Variants in HECW1 observed in about 807,000 individuals in gnomAD.
HECW1 encodes HECT, C2 and WW domain containing E3 ubiquitin protein ligase 1, also known as E3 ubiquitin-protein ligase HECW1.
HECW1 carries 61 observed loss-of-function variants against 182.3 expected under a neutral mutation model. The ratio of observed to expected loss-of-function variants is 0.33; its 90% CI spans 0.27 to 0.41. HECW1 has a LOEUF of 0.41. HECW1 is among the 10% of genes least tolerant of loss of function. The probability of loss-of-function intolerance (pLI) is 1.00; values close to 1 mark genes in which losing one functional copy is unlikely to be tolerated. For missense variants in HECW1, 1,739 were observed against 2,108.9 expected (o/e 0.82, Z 3.44); for synonymous variants, 859 against 832.6 (o/e 1.03, Z -0.55).
chr7:43,472,315 G>A (rs1030875179), intron 16 of HECW1, among the ~76,000 whole-genome samples: 1 of 152,162 alleles, frequency 6.6e-6, no homozygotes, highest in Admixed American at 6.5e-5. Context: ...TTAATACCAC[G>A]ACCTTCCCTG....
chr7:43,422,714 A>G (rs1335450810), intron 8 of HECW1, among the ~76,000 whole-genome samples: 1 of 152,112 alleles, frequency 6.6e-6, no homozygotes, highest in Non-Finnish European at 1.5e-5. Context: ...AGAATTATAT[A>G]TACTGGTAGA....
At chr7:43,417,335 C>T (rs979725256) in intron 8 of HECW1, among the ~76,000 whole-genome samples, 1 of 152,196 alleles carries the variant, frequency 6.6e-6, no homozygotes, top group African/African-American at 2.4e-5. Context: ...CAGGCATGAG[C>T]CACCACACCT....
chr7:43,459,543 GTT>G (rs565413703), intron 13 of HECW1, among the ~76,000 whole-genome samples: 1 of 146,180 alleles, frequency 6.8e-6, no homozygotes. Context: ...GGATGATTTA[GTT>G]TTTTTTTTTT....
At chr7:43,273,687 G>A (rs1802708332) in intron 3 of HECW1, among the ~76,000 whole-genome samples, 1 of 151,930 alleles carries the variant, frequency 6.6e-6, no homozygotes, top group African/African-American at 2.4e-5. Context: ...TGATAACAAT[G>A]GAAAAGAAAT....
At chr7:43,309,922 A>G (rs1808284903) in intron 3 of HECW1, among the ~76,000 whole-genome samples, 1 of 152,190 alleles carries the variant, frequency 6.6e-6, no homozygotes, top group African/African-American at 2.4e-5. Context: ...TTTATTGAGC[A>G]GGTACTGTAC....
chr7:43,263,957 A>G (rs1472163931), intron 3 of HECW1, among the ~76,000 whole-genome samples: 1 of 152,220 alleles, frequency 6.6e-6, no homozygotes, highest in Admixed American at 6.5e-5. Flanking sequence ...TTTACTTGAC[A>G]AATAATAACT....
In HECW1 at chr7:43,508,161, C is replaced by T. The variant is rs780215927; in HGVS notation, c.3866+30C>T. ...GGCACCAGGAGTTTTATGCAGACAC[C>T]TAAGCAAGGGTGGGCCAGAGCCTCA... On this transcript the variant is annotated intron_variant, in intron 23 of 29. Coordinates refer to ENST00000395891, the MANE Select transcript of HECW1 (RefSeq NM_015052.5). 25 of 1,497,610 alleles carry T rather than the reference C, an allele frequency of 1.7e-5. No homozygotes were observed. In the South Asian group the frequency reaches 2.8e-4, roughly 17 times the overall value. 92.8% of individuals were successfully genotyped at this position (1,497,610 alleles called of 1,614,324 possible). A position where few individuals can be genotyped will look rare whatever the true frequency, so the allele number is the denominator to read the frequency against.
rs760229114 is a variant in HECW1, at chr7:43,309,481, C to G, written c.28-2282C>G. Among the ~76,000 whole-genome samples the G allele has an allele frequency of 3.3e-5, 5 of 152,278 alleles. No homozygotes were observed. In the South Asian group the frequency reaches 1.0e-3, roughly 32 times the overall value. On this transcript the variant is annotated intron_variant, in intron 3 of 29. Transcript: ENST00000395891. ...AATTTGACAGTTTCAGGAGAGTTCT[C>G]TAGTTTCCAGGGGATTTTGGTAAAA...
rs543315543 is a variant in HECW1, at chr7:43,165,936, T to C, written c.-32+51545T>C. 3.3e-5 allele frequency among the ~76,000 whole-genome samples: 5 copies of C among 152,336 alleles called. No individual in the cohort carries two copies. The East Asian group carries it at 9.6e-4, about 29-fold the overall frequency. On this transcript the variant is annotated intron_variant, in intron 2 of 29. Transcript: ENST00000395891. ...TTCCCTCTAACTCCTTGCCTATTAA[T>C]ATACTCATTCACTCATTCAATTATT...
At chr7:43,438,810 A>C (rs1311264585) in intron 9 of HECW1, 2 of 152,258 alleles carry the variant, frequency 1.3e-5, no homozygotes. Context: ...CAGGGACTAC[A>C]TTTGAAAACA....
chr7:43,506,253 T>A (rs2079572281), intron 21 of HECW1, among the ~76,000 whole-genome samples: 1 of 152,208 alleles, frequency 6.6e-6, no homozygotes, highest in Admixed American at 6.5e-5. Context: ...GATGGACACA[T>A]GTACTAAAGT....
At chr7:43,415,453 C>A (rs548635393) in intron 8 of HECW1, among the ~76,000 whole-genome samples, 46 of 151,108 alleles carry the variant, frequency 3.0e-4, no homozygotes, top group African/African-American at 1.1e-3. Flanking sequence ...TCTCTGGCTG[C>A]CCTTAACATT....
chr7:43,553,981 T>C (rs1365228618), intron 28 of HECW1, among the ~76,000 whole-genome samples: 1 of 152,180 alleles, frequency 6.6e-6, no homozygotes, highest in African/African-American at 2.4e-5. Context: ...CAATGGCAAA[T>C]CGTTTAATTG....
intron 2 of HECW1, among the ~76,000 whole-genome samples, chr7:43,189,955 G>C (rs1208004369): frequency 6.6e-6 from 1 of 152,136 alleles, no homozygotes; most frequent in Non-Finnish European, 1.5e-5. Flanking sequence ...GAAGGGGAAG[G>C]TTAGTAACAT....
intron 3 of HECW1, among the ~76,000 whole-genome samples, chr7:43,295,602 A>G (rs957440737): frequency 3.9e-5 from 6 of 152,192 alleles, no homozygotes; most frequent in African/African-American, 1.4e-4. Context: ...ACCAGAGGGC[A>G]GGGAGGCAAG....
intron 2 of HECW1, among the ~76,000 whole-genome samples, chr7:43,140,169 C>T (rs1788010620): frequency 6.6e-6 from 1 of 152,180 alleles, no homozygotes; most frequent in Admixed American, 6.5e-5. Flanking sequence ...TGGATTCTGA[C>T]ATCCTTTTTT....
In HECW1 at chr7:43,286,682, C is replaced by A. The variant is rs113041729; in HGVS notation, c.28-25081C>A. 2.3e-3 allele frequency among the ~76,000 whole-genome samples: 344 copies of A among 152,202 alleles called. 2 individuals are homozygous for A. Among genetic ancestry groups the A allele is most frequent in the Admixed American group, 3.6e-3 (55 of 15,286 alleles). On this transcript the variant is annotated intron_variant, in intron 3 of 29. Transcript: ENST00000395891. ...AAAGTTCAAACTGCCACCCACCCCC[C>A]CAAAGGTGTTTGGGAGGAGGGATAT...
intron 24 of HECW1, among the ~76,000 whole-genome samples, chr7:43,514,736 A>G (rs1008115871): frequency 8.5e-5 from 13 of 152,232 alleles, no homozygotes; most frequent in Admixed American, 7.2e-4. Flanking sequence ...TAATTAAGCT[A>G]AATAATGAAG....
intron 7 of HECW1, among the ~76,000 whole-genome samples, chr7:43,401,345 A>G (rs2152840761): frequency 6.6e-6 from 1 of 152,310 alleles, no homozygotes; most frequent in South Asian, 2.1e-4. Flanking sequence ...GCAAAGTCCA[A>G]AAAGGACGAG....
Sources: allele counts gnomAD v4.1 joint callset (sites outside exome capture counted in the v4.1 genomes callset), GRCh38; gene constraint gnomAD v4.1.1; transcripts MANE v1.5; gene names NCBI Gene and HGNC (gene_info 2026-07-23, HGNC 2026-07-21).